ZNF19: variants seen among roughly 807,000 people sequenced by gnomAD.
The protein encoded by ZNF19 is zinc finger protein 19 (KOX 12).
A neutral mutation model predicts 13.1 loss-of-function variants in ZNF19; 11 were observed. The ratio of observed to expected loss-of-function variants is 0.84; its 90% confidence interval spans 0.53 to 1.39. The LOEUF is 1.39. Ranked by LOEUF, ZNF19 falls within the 40% of genes most tolerant of loss-of-function variation. The probability of loss-of-function intolerance (pLI) is 0.00; values close to 1 mark genes in which losing one functional copy is unlikely to be tolerated. For missense variants in ZNF19, 560 were observed against 547.0 expected, an observed-to-expected ratio of 1.02 and a Z score of -0.24; for synonymous variants, 186 against 187.0, an observed-to-expected ratio of 0.99 and a Z score of 0.04.
rs1236951479 is a variant in ZNF19, at chr16:71,482,098, A to G, written c.17T>C (p.Leu6Pro). MAAMP[L>P]KAQYQEMVTF... ...ACAGCTCACCTGGTATTGAGCTTTC[A>G]GAGGCATGGCTGCCATGACCTGGTC... The change falls in exon 3 of 6, where the codon CTG becomes CCG. Residue 6 changes from leucine (L) to proline (P), a missense_variant. Transcript: ENST00000288177. The G allele has an allele frequency of 1.1e-5, 18 of 1,614,202 alleles. No homozygotes were observed. Among genetic ancestry groups the G allele is most frequent in the Non-Finnish European group, 1.4e-5 (16 of 1,180,034 alleles).
At chr16:71,478,031 A>G in intron 5 of ZNF19, 197 bp downstream of exon 5, 1 of 539,028 alleles carries the variant, frequency 1.9e-6, no homozygotes, top group Non-Finnish European at 3.3e-6. Flanking sequence ...GAAAGGAACA[A>G]TGGATTCAAG....
Position 71,475,307 on chromosome 16 carries a change from C to G in ZNF19, c.1240G>C (p.Glu414Gln). Residue 414 changes from glutamate (E) to glutamine (Q), a missense_variant, in exon 6 of 6, where the codon GAG becomes CAG. Transcript: ENST00000288177. ...AAGGCCTTCTCATACTTGCTACACT[C>G]ATAGGGTTTCTCTCCAGTATGGATT... is the stretch of plus-strand genomic sequence containing the variant. ...QRIHTGEKPY[E>Q]CSKYEKAFGT... The G allele has an allele frequency of 6.2e-7, 1 of 1,614,222 alleles. No homozygotes were observed. The highest frequency in any genetic ancestry group is 2.2e-5 in the East Asian group (1 of 44,888).
In ZNF19 at chr16:71,475,948, C is replaced by T. The variant is rs866652931; in HGVS notation, c.599G>A (p.Gly200Asp). The change falls in exon 6 of 6, where the codon GGT (glycine) becomes GAT (aspartate). Residue 200 changes from glycine (G) to aspartate (D), a missense_variant. Coordinates refer to ENST00000288177, the MANE Select transcript of ZNF19 (RefSeq NM_006961.4). ...ECSECGKAFN[G>D]NSSLIRHQRI... The stretch of plus-strand genomic sequence containing the variant: ...CTGGTGCCGAATTAACGAAGAATTA[C>T]CATTAAAGGCTTTTCCACACTCACT... 6.2e-7 allele frequency: 1 copy of T among 1,614,026 alleles called. No individual in the cohort carries two copies. The highest frequency in any genetic ancestry group is 1.7e-5 in the Admixed American group (1 of 59,982).
chr16:71,475,942 G>C lies in ZNF19; in HGVS notation c.605C>G (p.Ser202Cys), dbSNP rs781031409. The C allele has an allele frequency of 1.2e-6, 2 of 1,613,796 alleles. No individual in the cohort carries two copies. The highest frequency in any genetic ancestry group is 1.7e-6 in the Non-Finnish European group (2 of 1,179,942). Residue 202 changes from serine to cysteine, a missense_variant, in exon 6 of 6, where the codon TCT becomes TGT. Physicochemically the swap from Ser to Cys is moderately radical, Grantham distance 112. Transcript: ENST00000288177. ...SECGKAFNGN[S>C]SLIRHQRIHT... is the part of the protein sequence containing the mutation. ...AATCCTCTGGTGCCGAATTAACGAA[G>C]AATTACCATTAAAGGCTTTTCCACA...
rs138863958 is a variant in ZNF19, at chr16:71,477,776, C to G, written c.274+452G>C. 2.1e-3 allele frequency: 338 copies of G among 161,558 alleles called. 1 individual carries two copies. The highest frequency in any genetic ancestry group is 7.2e-3 in the African/African-American group (300 of 41,622). The allele number at this position is 161,558 out of a possible 1,614,324, so 10.0% of individuals were successfully genotyped here. A position where few individuals can be genotyped will look rare whatever the true frequency, so the allele number is the denominator to read the frequency against. On this transcript the variant is annotated intron_variant, in intron 5 of 5. Coordinates refer to ENST00000288177, the MANE Select transcript of ZNF19 (RefSeq NM_006961.4). ...GCCATGACTTCCTAGTGTTATCTGACTCAGCTCTCCCCATTTATGGCCAAC... is the reference window on the plus strand; with the variant it reads ...GCCATGACTTCCTAGTGTTATCTGAGTCAGCTCTCCCCATTTATGGCCAAC...
Position 71,474,938 on chromosome 16 carries a change from G to C in ZNF19, c.*232C>G, listed in dbSNP as rs534539447. 2.8e-4 allele frequency: 152 copies of C among 535,592 alleles called. No individual in the cohort carries two copies. Among genetic ancestry groups the C allele is most frequent in the Non-Finnish European group, 4.6e-4 (140 of 307,612 alleles). The allele number at this position is 535,592 out of a possible 1,614,324, so 33.2% of individuals were successfully genotyped here. A position where few individuals can be genotyped will look rare whatever the true frequency, so the allele number is the denominator to read the frequency against. On this transcript the variant is annotated 3_prime_UTR_variant, in exon 6 of 6. Transcript: ENST00000288177. ...TCATTCTCACCTCTGTAAGAGTCTAGTTCTTCTTCTCAGCATTAAAACCAA... is the reference window on the plus strand; with the variant it reads ...TCATTCTCACCTCTGTAAGAGTCTACTTCTTCTTCTCAGCATTAAAACCAA...
chr16:71,488,232 T>C (rs1373267208), intron 1 of ZNF19, among the ~76,000 whole-genome samples: 3 of 151,526 alleles, frequency 2.0e-5, no homozygotes, highest in Non-Finnish European at 4.4e-5. Flanking sequence ...TGGTGGTGTG[T>C]GCCTGTAATC....
chr16:71,487,805 T>C (rs2043689695), intron 1 of ZNF19, among the ~76,000 whole-genome samples: 1 of 152,224 alleles, frequency 6.6e-6, no homozygotes, highest in South Asian at 2.1e-4. Context: ...GAGGCTGTGG[T>C]GGAACTTAAG....
Position 71,489,299 on chromosome 16 carries a change from GA to G in ZNF19, c.-218del, listed in dbSNP as rs2043704293. 1 of 985,550 alleles carries G rather than the reference GA, an allele frequency of 1.0e-6. No homozygotes were observed. The highest frequency in any genetic ancestry group is 1.7e-5 in the African/African-American group (1 of 57,390). The allele number at this position is 985,550 out of a possible 1,614,324, so 61.1% of individuals were successfully genotyped here. On this transcript the variant is annotated 5_prime_UTR_variant, in exon 1 of 6. Coordinates refer to ENST00000288177, the MANE Select transcript of ZNF19 (RefSeq NM_006961.4). ...TTGAGCGCGGACTCAAAACAGGCCA[GA>G]AGCGCACCGCTAGCGAGAACGGTTA...
Position 71,478,929 on chromosome 16 carries a change from G to A in ZNF19, c.110C>T (p.Ala37Val), listed in dbSNP as rs1213878877. The A allele has an allele frequency of 1.9e-6, 3 of 1,614,096 alleles. No homozygotes were observed. Among genetic ancestry groups the A allele is most frequent in the Non-Finnish European group, 2.5e-6 (3 of 1,180,054 alleles). Residue 37 changes from alanine (A) to valine (V), a missense_variant, in exon 4 of 6, where the codon GCC becomes GTC. Transcript: ENST00000288177. ...CTCCAACATCACACTTCTGTACAGG[G>A]CCCTCTGGGCAGGAGAAAGGCCAGT... Reference protein sequence around the residue: ...EWTGLSPAQRALYRSVMLENF... With the variant: ...EWTGLSPAQRVLYRSVMLENF...
chr16:71,486,540 C>T (rs2043679947), intron 1 of ZNF19, among the ~76,000 whole-genome samples: 1 of 151,992 alleles, frequency 6.6e-6, no homozygotes, highest in South Asian at 2.1e-4. Flanking sequence ...AAGTGGGTGG[C>T]CTCCAGAAGA....
At chr16:71,479,209 C>A in intron 3 of ZNF19, 1 of 597,934 alleles carries the variant, frequency 1.7e-6, no homozygotes, top group Non-Finnish European at 2.9e-6. Flanking sequence ...AGAAGAGATT[C>A]CATTAGGATA....
chr16:71,480,431 T>C (rs2043629760), intron 3 of ZNF19, among the ~76,000 whole-genome samples: 1 of 152,220 alleles, frequency 6.6e-6, no homozygotes, highest in South Asian at 2.1e-4. Context: ...CCCTCTCTGT[T>C]GATAACACCA....
intron 2 of ZNF19, among the ~76,000 whole-genome samples, chr16:71,484,138 G>A (rs928952606): frequency 1.1e-4 from 16 of 152,232 alleles, no homozygotes; most frequent in African/African-American, 3.6e-4. Context: ...CGTGCACTAA[G>A]TCACGGGCAG....
intron 1 of ZNF19, chr16:71,487,487 A>C (rs1484829524): frequency 6.6e-6 from 1 of 152,268 alleles, no homozygotes; most frequent in Non-Finnish European, 1.5e-5. Context: ...TAGCACTGTG[A>C]CAACGGACTA....
intron 2 of ZNF19, 23 bp downstream of exon 2, chr16:71,484,566 A>G (rs989641500): frequency 4.7e-5 from 46 of 985,332 alleles, no homozygotes; most frequent in South Asian, 2.3e-4. Context: ...AAGGACTCCT[A>G]GGCGACAAAC....
intron 3 of ZNF19, 79 bp downstream of exon 3, chr16:71,482,003 T>A: frequency 1.3e-6 from 2 of 1,528,212 alleles, no homozygotes; most frequent in Non-Finnish European, 1.8e-6. Flanking sequence ...GCTCTAAGAC[T>A]TGCCAGAATC....
At chr16:71,487,116 G>A (rs1184397766) in intron 1 of ZNF19, 1 of 152,108 alleles carries the variant, frequency 6.6e-6, no homozygotes. Flanking sequence ...CTAAGGAAAT[G>A]TATACTTGAT....
In ZNF19 at chr16:71,476,169, T is replaced by A; in HGVS notation, c.378A>T (p.Arg126Ser). The A allele has an allele frequency of 6.2e-7, 1 of 1,614,166 alleles. No individual in the cohort carries two copies. Residue 126 changes from arginine (R) to serine (S), a missense_variant, in exon 6 of 6, where the codon AGA (arginine) becomes AGT (serine). Transcript: ENST00000288177. ...SHGQLKSVPQ[R>S]TDFPETRNVE... is the part of the protein sequence containing the mutation. ...CATTACGTGTTTCTGGGAAGTCAGTTCTCTGAGGGACACTCTTCAGCTGAC... is the reference window on the plus strand; with the variant it reads ...CATTACGTGTTTCTGGGAAGTCAGTACTCTGAGGGACACTCTTCAGCTGAC...
Sources: gnomAD v4.1 joint callset for allele counts (sites outside exome capture counted in the v4.1 genomes callset) on GRCh38, gnomAD v4.1.1 for gene constraint, MANE v1.5 for transcripts, NCBI Gene and HGNC (gene_info 2026-07-23, HGNC 2026-07-21) for gene names.